Variants in PTP4A3 observed in about 807,000 individuals in gnomAD.
The protein encoded by PTP4A3 is protein tyrosine phosphatase type IVA 3.
A neutral mutation model predicts 15.2 loss-of-function variants in PTP4A3; 9 were observed. The ratio of observed to expected loss-of-function variants is 0.59; its 90% CI spans 0.36 to 1.03. The LOEUF is 1.03. Ranked by LOEUF, PTP4A3 falls within the 50% of genes least tolerant of loss-of-function variation. PTP4A3 has a pLI of 0.02. For missense variants in PTP4A3, 234 were observed against 252.1 expected (o/e 0.93, Z 0.49); for synonymous variants, 95 against 102.0 (o/e 0.93, Z 0.41).
chr8:141,395,417 G>T (rs1832420113), intron 1 of PTP4A3, among the ~76,000 whole-genome samples: 1 of 152,222 alleles, frequency 6.6e-6, no homozygotes, highest in Non-Finnish European at 1.5e-5. Context: ...GGCTGCTTTA[G>T]TGGCAGCCTC....
At chr8:141,415,165 C>T (rs1163123555) in intron 1 of PTP4A3, among the ~76,000 whole-genome samples, 7 of 152,030 alleles carry the variant, frequency 4.6e-5, no homozygotes, top group African/African-American at 9.7e-5. Flanking sequence ...CTGCAGGGTC[C>T]GGGCCCTTCT....
intron 1 of PTP4A3, among the ~76,000 whole-genome samples, chr8:141,419,640 C>T (rs1340839610): frequency 6.6e-6 from 1 of 150,856 alleles, no homozygotes; most frequent in South Asian, 2.1e-4. Context: ...GGAGCGATCT[C>T]GGCTCACTGC....
At chr8:141,413,068 T>C (rs1195922699) in intron 1 of PTP4A3, among the ~76,000 whole-genome samples, 1 of 152,152 alleles carries the variant, frequency 6.6e-6, no homozygotes, top group Non-Finnish European at 1.5e-5. Flanking sequence ...CTTGGAGAGC[T>C]TGGGGGTCGG....
chr8:141,405,711 G>C (rs1467580862), intron 1 of PTP4A3, among the ~76,000 whole-genome samples: 1 of 152,058 alleles, frequency 6.6e-6, no homozygotes, highest in African/African-American at 2.4e-5. Flanking sequence ...AGGCTGACAA[G>C]CTTTGCCAGA....
intron 1 of PTP4A3, among the ~76,000 whole-genome samples, chr8:141,392,895 T>C (rs1832330604): frequency 6.6e-6 from 1 of 152,134 alleles, no homozygotes; most frequent in Admixed American, 6.5e-5. Flanking sequence ...TCACAGTGTG[T>C]GCCCGGGCAC....
At chr8:141,402,731 C>T (rs1384396677) in intron 1 of PTP4A3, among the ~76,000 whole-genome samples, 2 of 151,958 alleles carry the variant, frequency 1.3e-5, no homozygotes, top group East Asian at 3.9e-4. Context: ...TTCCCCCCAC[C>T]CCTCCCCCCT....
intron 2 of PTP4A3, among the ~76,000 whole-genome samples, chr8:141,423,664 G>A (rs933105993): frequency 2.0e-5 from 3 of 152,072 alleles, no homozygotes; most frequent in Non-Finnish European, 4.4e-5. Context: ...CTTAGTGTGT[G>A]ACCAGGGCCA....
chr8:141,427,307 T>C (rs1449759081), intron 4 of PTP4A3, among the ~76,000 whole-genome samples: 2 of 152,070 alleles, frequency 1.3e-5, no homozygotes, highest in African/African-American at 4.8e-5. Context: ...TGACATCTTG[T>C]GTAGGAAAGG....
rs1459838944 is a variant in PTP4A3 at position 141,430,967 on chromosome 8, C to T, written c.445C>T (p.Leu149=). The T allele has an allele frequency of 5.0e-6, 8 of 1,613,288 alleles. No homozygotes were observed. Among genetic ancestry groups the T allele is most frequent in the African/African-American group, 1.3e-5 (1 of 74,938 alleles). ...CATCAACAGCAAGCAGCTCACCTAC[C>T]TGGAGAAATACCGGCCCAAACAGAG... is the stretch of plus-strand genomic sequence containing the variant. ...GAINSKQLTY[L]EKYRPKQRLR... The change falls in exon 6 of 6, where the codon CTG becomes TTG. Residue 149 remains leucine (L), a synonymous_variant. Transcript: ENST00000521578.
intron 1 of PTP4A3, among the ~76,000 whole-genome samples, chr8:141,394,121 C>T (rs554111559): frequency 3.9e-5 from 6 of 152,302 alleles, no homozygotes; most frequent in Admixed American, 3.3e-4. Flanking sequence ...TGCCTATGCA[C>T]GTGACCTCCT....
chr8:141,419,279 G>T (rs1833209168), intron 1 of PTP4A3, among the ~76,000 whole-genome samples: 1 of 152,202 alleles, frequency 6.6e-6, no homozygotes, highest in Non-Finnish European at 1.5e-5. Context: ...AGCTGTAGGT[G>T]TGAGGGGTTG....
intron 1 of PTP4A3, among the ~76,000 whole-genome samples, chr8:141,394,969 G>A (rs1474895911): frequency 6.6e-6 from 1 of 152,244 alleles, no homozygotes; most frequent in Non-Finnish European, 1.5e-5. Context: ...AGTCGGGTAG[G>A]CCAGCCTCCC....
intron 1 of PTP4A3, among the ~76,000 whole-genome samples, chr8:141,417,077 A>T (rs959897101): frequency 1.3e-5 from 2 of 152,108 alleles, no homozygotes; most frequent in African/African-American, 4.8e-5. Flanking sequence ...TGGGGAGCAC[A>T]TGAGTTCCCG....
At chr8:141,396,479 G>T (rs907633658) in intron 1 of PTP4A3, among the ~76,000 whole-genome samples, 1 of 152,174 alleles carries the variant, frequency 6.6e-6, no homozygotes, top group Non-Finnish European at 1.5e-5. Flanking sequence ...TATGGAATCT[G>T]GCCCCGGGCA....
chr8:141,429,943 TGGC>T (rs1285586603), intron 5 of PTP4A3, among the ~76,000 whole-genome samples: 1 of 86,794 alleles, frequency 1.2e-5, no homozygotes, highest in Non-Finnish European at 2.5e-5. Flanking sequence ...AAGGACCTGG[TGGC>T]GGGGACAGGG....
intron 1 of PTP4A3, chr8:141,392,402 TCCTAC>T (rs1832307649): frequency 6.6e-6 from 1 of 152,178 alleles, no homozygotes. Flanking sequence ...GCGGGAGACC[TCCTAC>T]CCTGAGTTCA....
chr8:141,403,876 A>G lies in PTP4A3; in HGVS notation c.-854+11792A>G, dbSNP rs558763471. On this transcript the variant is annotated intron_variant, in intron 1 of 5. Coordinates refer to ENST00000521578, the MANE Select transcript of PTP4A3 (RefSeq NM_032611.3). ...GCCACGCATTCGTCTGACTATGTCT[A>G]TTTGACGAATTTTTATTTTGCAATA... Among the ~76,000 whole-genome samples the G allele has an allele frequency of 1.2e-4, 18 of 152,352 alleles. No homozygotes were observed. The East Asian group carries it at 3.5e-3, about 29-fold the overall frequency.
chr8:141,425,044 C>T lies in PTP4A3; in HGVS notation c.106-4C>T, dbSNP rs1034911670. ...CCCTGCCTCCTCCGTCCTCCCACCC[C>T]CAGGACCTGAAGAAGTACGGGGCTA... On this transcript the variant is annotated splice_region_variant and splice_polypyrimidine_tract_variant and intron_variant, in intron 2 of 5. Coordinates refer to ENST00000521578, the MANE Select transcript of PTP4A3 (RefSeq NM_032611.3). The surrounding 1 kb of genome is among the most constrained non-coding windows in gnomAD (Gnocchi z 4.2). The T allele has an allele frequency of 1.2e-6, 2 of 1,612,172 alleles. No individual in the cohort carries two copies. The highest frequency in any genetic ancestry group is 1.7e-6 in the Non-Finnish European group (2 of 1,179,258).
intron 1 of PTP4A3, among the ~76,000 whole-genome samples, chr8:141,414,760 C>A (rs570379045): frequency 8.5e-5 from 13 of 152,050 alleles, no homozygotes; most frequent in Admixed American, 7.2e-4. Context: ...TTAGTGACCG[C>A]TCTCTGCCCC....
Sources: gnomAD v4.1 joint callset for allele counts (sites outside exome capture counted in the v4.1 genomes callset) on GRCh38, gnomAD v4.1.1 for gene constraint, Gnocchi (gnomAD v3.1) non-coding constraint, MANE v1.5 for transcripts, NCBI Gene and HGNC (gene_info 2026-07-23, HGNC 2026-07-21) for gene names.